SLC25A33: variants seen among roughly 807,000 people sequenced by gnomAD.
SLC25A33 encodes bone marrow stromal cell mitochondrial carrier protein.
SLC25A33 carries 15 observed loss-of-function variants against 35.5 expected under a neutral mutation model. The observed-to-expected ratio is 0.42, with a 90% CI of 0.28 to 0.65. SLC25A33 has a LOEUF of 0.65. Among genes scored for constraint, SLC25A33 ranks in the 30% least tolerant of loss-of-function variants. The pLI, the probability that SLC25A33 is intolerant of heterozygous loss-of-function variation, is 0.20. For synonymous variants in SLC25A33, 136 were observed against 148.7 expected, an observed-to-expected ratio of 0.91 and a Z score of 0.62; for missense variants, 257 against 398.5, an observed-to-expected ratio of 0.64 and a Z score of 3.02.
rs1367582304 is a variant in SLC25A33, at chr1:9,539,552, G to A, written c.-140G>A. 1 of 525,056 alleles carries A rather than the reference G, an allele frequency of 1.9e-6. No homozygotes were observed. The highest frequency in any genetic ancestry group is 2.7e-6 in the Non-Finnish European group (1 of 364,646). 32.5% of individuals were successfully genotyped at this position (525,056 alleles called of 1,614,324 possible). On this transcript the variant is annotated 5_prime_UTR_variant, in exon 1 of 7. Transcript: ENST00000302692. ...CGCGGGCCGAGCAGAGCCGGGCGTT[G>A]GAGCCCGCGCGCGCATGGAGGCGTT...
intron 5 of SLC25A33, among the ~76,000 whole-genome samples, chr1:9,574,654 C>T (rs374712981): frequency 8.5e-5 from 13 of 152,084 alleles, no homozygotes; most frequent in South Asian, 8.3e-4. Flanking sequence ...TAATGGAACC[C>T]GGTGTAAAGA....
chr1:9,553,203 GTTTTTTTTTTTT>G (rs550067186), intron 1 of SLC25A33, among the ~76,000 whole-genome samples: 2 of 56,486 alleles, frequency 3.5e-5, no homozygotes, highest in Non-Finnish European at 6.5e-5. Context: ...TTCTAGTTTT[GTTTTTTTTTTTT>G]TTTTTTTTTT....
Position 9,567,696 on chromosome 1 carries a change from G to A in SLC25A33, c.314+335G>A, listed in dbSNP as rs576047092. On this transcript the variant is annotated intron_variant, in intron 3 of 6. Coordinates refer to ENST00000302692, the MANE Select transcript of SLC25A33 (RefSeq NM_032315.3). ...AGCTTGTTATAAACACACAATCCCA[G>A]GGCACATCCCAGACCTACATCAGAA... Among the ~76,000 whole-genome samples, 41 of 152,272 alleles carry A rather than the reference G, an allele frequency of 2.7e-4. No homozygotes were observed. The South Asian group carries it at 8.1e-3, about 30-fold the overall frequency.
chr1:9,580,885 A>G (rs1643737122), intron 6 of SLC25A33, among the ~76,000 whole-genome samples: 2 of 148,874 alleles, frequency 1.3e-5, no homozygotes, highest in South Asian at 2.1e-4. Flanking sequence ...AATAATAATA[A>G]TAATAATAAT....
At chr1:9,542,091 C>T (rs1191860885) in intron 1 of SLC25A33, among the ~76,000 whole-genome samples, 4 of 152,240 alleles carry the variant, frequency 2.6e-5, no homozygotes, top group Admixed American at 2.0e-4. Context: ...CCACTGCGCC[C>T]GGCCAGTGAG....
rs543930016 is a variant in SLC25A33, at chr1:9,579,325, G to A, written c.483-629G>A. Among the ~76,000 whole-genome samples the A allele has an allele frequency of 8.3e-5, 9 of 108,616 alleles. No individual in the cohort carries two copies. In the South Asian group the frequency reaches 1.1e-3, roughly 14 times the overall value. 71.3% of individuals were successfully genotyped at this position (108,616 alleles called of 152,430 possible). A position where few individuals can be genotyped will look rare whatever the true frequency, so the allele number is the denominator to read the frequency against. On this transcript the variant is annotated intron_variant, in intron 5 of 6. Coordinates refer to ENST00000302692, the MANE Select transcript of SLC25A33 (RefSeq NM_032315.3). ...CAGTCCCCAGGACTGCCCACCCCCC[G>A]CCCACCCACTTACCCACACACCAGT...
chr1:9,551,200 T>C (rs562464295), intron 1 of SLC25A33, among the ~76,000 whole-genome samples: 9 of 151,772 alleles, frequency 5.9e-5, no homozygotes, highest in African/African-American at 2.2e-4. Flanking sequence ...CTGGCCAACA[T>C]AGTGAAAGCC....
intron 1 of SLC25A33, among the ~76,000 whole-genome samples, chr1:9,542,262 C>T (rs1369572074): frequency 1.3e-5 from 2 of 152,072 alleles, no homozygotes; most frequent in Non-Finnish European, 1.5e-5. Context: ...TCCTAGGGCA[C>T]CAGCCTTATA....
chr1:9,557,958 A>G (rs1643369447), intron 2 of SLC25A33, among the ~76,000 whole-genome samples: 1 of 152,188 alleles, frequency 6.6e-6, no homozygotes, highest in Non-Finnish European at 1.5e-5. Context: ...GTAAAGGACT[A>G]CTTTTAAAAA....
Position 9,553,480 on chromosome 1 carries a change from A to T in SLC25A33, c.57-146A>T, listed in dbSNP as rs1468613553. The T allele has an allele frequency of 7.0e-6, 5 of 714,812 alleles. No homozygotes were observed. The East Asian group carries it at 1.1e-4, about 16-fold the overall frequency. 44.3% of individuals were successfully genotyped at this position (714,812 alleles called of 1,614,324 possible). ...GATCTGCTGACCTCGTGATCCACCC[A>T]CCTCAGCCTCCCAAAGTGCTGGGAT... On this transcript the variant is annotated intron_variant, in intron 1 of 6. Transcript: ENST00000302692.
chr1:9,582,218 C>G lies in SLC25A33; in HGVS notation c.764-81C>G. 6.6e-7 allele frequency: 1 copy of G among 1,514,832 alleles called. No individual in the cohort carries two copies. Among genetic ancestry groups the G allele is most frequent in the Non-Finnish European group, 9.2e-7 (1 of 1,092,704 alleles). The allele number at this position is 1,514,832 out of a possible 1,614,324, so 93.8% of individuals were successfully genotyped here. Reference sequence around the variant, plus strand: ...TGTGAGCCACCGCACCCGGCCTAACCTTGACAGTTTTAAAGTTGTGTGCTG... The same window carrying G: ...TGTGAGCCACCGCACCCGGCCTAACGTTGACAGTTTTAAAGTTGTGTGCTG... On this transcript the variant is annotated intron_variant, in intron 6 of 6. Transcript: ENST00000302692. The surrounding 1 kb of genome is among the most constrained non-coding windows in gnomAD (Gnocchi z 4.0).
chr1:9,564,735 AAAAAATATATATAT>A lies in SLC25A33; in HGVS notation c.237-2547_237-2534del, dbSNP rs1401660514. Among the ~76,000 whole-genome samples the A allele has an allele frequency of 4.3e-4, 30 of 69,496 alleles. 1 individual carries two copies. In the East Asian group the frequency reaches 0.056, roughly 130 times the overall value. The allele number at this position is 69,496 out of a possible 152,430, so 45.6% of individuals were successfully genotyped here. A position where few individuals can be genotyped will look rare whatever the true frequency, so the allele number is the denominator to read the frequency against. ...CACCTCGTCTCTATTTAAAAAAAAA[AAAAAATATATATAT>A]ATATATATATATATATACACAAAAA... On this transcript the variant is annotated intron_variant, in intron 2 of 6. Coordinates refer to ENST00000302692, the MANE Select transcript of SLC25A33 (RefSeq NM_032315.3).
At chr1:9,548,690 TG>T (rs1387907181) in intron 1 of SLC25A33, among the ~76,000 whole-genome samples, 1 of 152,230 alleles carries the variant, frequency 6.6e-6, no homozygotes, top group Non-Finnish European at 1.5e-5. Flanking sequence ...TCTTAGAGTA[TG>T]TATCCCAGTT....
At chr1:9,567,015 G>A (rs1381843942) in intron 2 of SLC25A33, among the ~76,000 whole-genome samples, 3 of 151,748 alleles carry the variant, frequency 2.0e-5, no homozygotes, top group Admixed American at 1.3e-4. Context: ...GCAACAGAGC[G>A]AGACTCCATC....
At position 9,567,288 on chromosome 1, in the gene SLC25A33, A is replaced by G; in HGVS notation, c.241A>G (p.Ile81Val). Residue 81 changes from isoleucine to valine, a missense_variant, in exon 3 of 7, where the codon ATC becomes GTC. By Grantham distance (29) the Ile-to-Val change is conservative (BLOSUM62 3). Transcript: ENST00000302692. The stretch of plus-strand genomic sequence containing the variant: ...TTGTCTTTTCTTATTATTCAGGTCG[A>G]TCTTGGAGAAAGAGGGACCAAAGTC... ...TPGLFQVLKSILEKEGPKSLF... is the reference protein window; with the variant it reads ...TPGLFQVLKSVLEKEGPKSLF... 1 of 1,613,926 alleles carries G rather than the reference A, an allele frequency of 6.2e-7. No individual in the cohort carries two copies. Among genetic ancestry groups the G allele is most frequent in the African/African-American group, 1.3e-5 (1 of 75,028 alleles).
At chr1:9,580,729 G>A (rs1338311460) in intron 6 of SLC25A33, among the ~76,000 whole-genome samples, 4 of 151,868 alleles carry the variant, frequency 2.6e-5, no homozygotes, top group Non-Finnish European at 5.9e-5. Flanking sequence ...GGTGGCGCAC[G>A]CCTGTAGTCC....
intron 2 of SLC25A33, among the ~76,000 whole-genome samples, chr1:9,555,172 C>T (rs1643322389): frequency 7.6e-6 from 1 of 130,800 alleles, no homozygotes; most frequent in Non-Finnish European, 1.5e-5. Context: ...GGCTGGAGTG[C>T]AGTGGTGCGA....
At chr1:9,581,584 C>G (rs1490158465) in intron 6 of SLC25A33, among the ~76,000 whole-genome samples, 1 of 152,026 alleles carries the variant, frequency 6.6e-6, no homozygotes, top group East Asian at 1.9e-4. Context: ...CAAAAATTAG[C>G]TGGGTGTGGT....
intron 6 of SLC25A33, among the ~76,000 whole-genome samples, chr1:9,581,066 A>G (rs1643739428): frequency 6.6e-6 from 1 of 152,206 alleles, no homozygotes; most frequent in Non-Finnish European, 1.5e-5. Flanking sequence ...CAGCTATGGC[A>G]AATGCATACA....
Sources: allele counts gnomAD v4.1 joint callset (sites outside exome capture counted in the v4.1 genomes callset), GRCh38; gene constraint gnomAD v4.1.1; non-coding constraint Gnocchi (gnomAD v3.1); transcripts MANE v1.5; gene names NCBI Gene and HGNC (gene_info 2026-07-23, HGNC 2026-07-21).